The following KAZN variants were observed in gnomAD, a reference collection of about 807,000 sequenced individuals.
KAZN encodes the protein kazrin, periplakin interacting protein, also known as kazrin.
KAZN carries 40 observed loss-of-function variants against 87.4 expected under a neutral mutation model. The ratio of observed to expected loss-of-function variants is 0.46; its 90% confidence interval spans 0.36 to 0.60. The LOEUF is 0.60. Among genes scored for constraint, KAZN ranks in the 20% least tolerant of loss-of-function variants. The pLI is 0.00. For missense variants in KAZN, 898 were observed against 1,073.9 expected, an observed-to-expected ratio of 0.84 and a Z score of 2.29; for synonymous variants, 466 against 458.3, an observed-to-expected ratio of 1.02 and a Z score of -0.22.
chr1:14,574,720 GC>G (rs1201421633), intron 2 of KAZN, among the ~76,000 whole-genome samples: 1 of 152,122 alleles, frequency 6.6e-6, no homozygotes, highest in Non-Finnish European at 1.5e-5. Context: ...CCTGCTGTTG[GC>G]CAAGCTGAAT....
Position 14,470,349 on chromosome 1 carries a change from G to A in KAZN, c.250-128634G>A, listed in dbSNP as rs527416197. Among the ~76,000 whole-genome samples, 13 of 152,340 alleles carry A rather than the reference G, an allele frequency of 8.5e-5. 1 individual carries two copies. Among genetic ancestry groups the A allele is most frequent in the African/African-American group, 3.1e-4 (13 of 41,584 alleles). On this transcript the variant is annotated intron_variant, in intron 2 of 16. Transcript: ENST00000636203. The stretch of plus-strand genomic sequence containing the variant: ...GGATAGCAACAAATTACCGGGGAAG[G>A]TAGTAAAAGGTGTGGCCTTGGAATT...
At chr1:14,019,638 T>C (rs1640732015) in intron 1 of KAZN, among the ~76,000 whole-genome samples, 1 of 152,156 alleles carries the variant, frequency 6.6e-6, no homozygotes, top group African/African-American at 2.4e-5. Context: ...GACCTCAGGG[T>C]GCTACATTGC....
chr1:15,000,931 C>T (rs1668401963), intron 2 of KAZN, among the ~76,000 whole-genome samples: 1 of 151,734 alleles, frequency 6.6e-6, no homozygotes. Flanking sequence ...TAGCAAGACC[C>T]TATCTCTAAA....
intron 1 of KAZN, among the ~76,000 whole-genome samples, chr1:13,914,748 T>C (rs1279915845): frequency 6.6e-6 from 1 of 152,150 alleles, no homozygotes; most frequent in Non-Finnish European, 1.5e-5. Context: ...AAGGCCAAAT[T>C]GGGAGGATCA....
At chr1:14,017,110 C>T (rs977090116) in intron 1 of KAZN, among the ~76,000 whole-genome samples, 1 of 152,152 alleles carries the variant, frequency 6.6e-6, no homozygotes, top group Admixed American at 6.5e-5. Flanking sequence ...CCTTCTTGTT[C>T]TCAGTATTAG....
intron 2 of KAZN, among the ~76,000 whole-genome samples, chr1:14,449,013 G>A (rs1386453029): frequency 6.6e-6 from 1 of 152,206 alleles, no homozygotes. Context: ...AATCTGATCT[G>A]CATTGAAGAC....
At chr1:14,428,776 G>C (rs1031592334) in intron 2 of KAZN, among the ~76,000 whole-genome samples, 1 of 151,930 alleles carries the variant, frequency 6.6e-6, no homozygotes, top group Non-Finnish European at 1.5e-5. Context: ...TCACTATCAC[G>C]AGAACAGTAT....
intron 5 of KAZN, 40 bp from the exon 6 acceptor site, chr1:15,060,132 T>C (rs2073091): frequency 0.19 from 304,340 of 1,610,856 alleles, 34,421 homozygotes; most frequent in East Asian, 0.62. Flanking sequence ...GCGAGGACGT[T>C]CTCTCCATCC....
At chr1:14,960,136 T>G (rs908708814) in intron 1 of KAZN, among the ~76,000 whole-genome samples, 1 of 152,182 alleles carries the variant, frequency 6.6e-6, no homozygotes. Context: ...AATATGCCTT[T>G]CTATGGCTGT....
At chr1:14,488,191 T>C (rs1669450548) in intron 2 of KAZN, among the ~76,000 whole-genome samples, 1 of 152,220 alleles carries the variant, frequency 6.6e-6, no homozygotes, top group Non-Finnish European at 1.5e-5. Flanking sequence ...CAGTATCATG[T>C]AGAGGCTAAT....
intron 4 of KAZN, among the ~76,000 whole-genome samples, chr1:15,049,368 G>A (rs964882334): frequency 4.6e-5 from 7 of 152,340 alleles, no homozygotes; most frequent in African/African-American, 1.4e-4. Context: ...GTAAACAAGG[G>A]CACCATAGAC....
At chr1:14,898,374 TGTG>T (rs1028852088) in intron 1 of KAZN, among the ~76,000 whole-genome samples, 3 of 152,154 alleles carry the variant, frequency 2.0e-5, no homozygotes, top group Non-Finnish European at 4.4e-5. Context: ...AGAGCAGAAA[TGTG>T]GTCCTTTCTC....
intron 2 of KAZN, among the ~76,000 whole-genome samples, chr1:14,576,042 T>C (rs2148553822): frequency 6.6e-6 from 1 of 152,244 alleles, no homozygotes; most frequent in African/African-American, 2.4e-5. Flanking sequence ...AGCATCCAGG[T>C]TAGGAGTGGT....
At position 14,100,715 on chromosome 1, in the gene KAZN, C is replaced by A. The variant is rs529793904; in HGVS notation, c.92-79720C>A. On this transcript the variant is annotated intron_variant, in intron 1 of 16. Coordinates refer to the KAZN transcript ENST00000636203. The stretch of plus-strand genomic sequence containing the variant: ...CTTCCAGAAAGAAACAGGTGTTCAG[C>A]CTAAATCACATTGTTTGCACAGTAG... 2.0e-4 allele frequency among the ~76,000 whole-genome samples: 31 copies of A among 152,310 alleles called. 1 individual carries two copies. The highest frequency in any genetic ancestry group is 6.8e-3 in the Middle Eastern group (2 of 294).
At chr1:14,074,545 G>A (rs147217268) in intron 1 of KAZN, among the ~76,000 whole-genome samples, 2 of 152,238 alleles carry the variant, frequency 1.3e-5, no homozygotes, top group Non-Finnish European at 2.9e-5. Flanking sequence ...CTGGGGTCCC[G>A]GGTACTTAGA....
At chr1:14,064,766 C>T (rs905957273) in intron 1 of KAZN, among the ~76,000 whole-genome samples, 7 of 152,098 alleles carry the variant, frequency 4.6e-5, no homozygotes, top group Admixed American at 2.0e-4. Context: ...GCCCTGCGGA[C>T]GCTCAGGTGA....
intron 2 of KAZN, chr1:14,391,451 TA>T (rs1197508858): frequency 6.6e-6 from 1 of 152,294 alleles, no homozygotes; most frequent in Non-Finnish European, 1.5e-5. Context: ...TCACTCAAGG[TA>T]ACTTACTCCG....
chr1:14,309,181 G>T (rs896369399), intron 2 of KAZN, among the ~76,000 whole-genome samples: 15 of 152,086 alleles, frequency 9.9e-5, no homozygotes, highest in African/African-American at 3.6e-4. Flanking sequence ...GAAGAAATGG[G>T]ATATCCCAAA....
chr1:14,379,266 T>C (rs1322523372), intron 2 of KAZN, among the ~76,000 whole-genome samples: 1 of 151,664 alleles, frequency 6.6e-6, no homozygotes, highest in Admixed American at 6.6e-5. Context: ...GGTCCTTGGG[T>C]GAGACTCTGA....
Sources: allele counts gnomAD v4.1 joint callset (sites outside exome capture counted in the v4.1 genomes callset), GRCh38; gene constraint gnomAD v4.1.1; transcripts MANE v1.5; gene names NCBI Gene and HGNC (gene_info 2026-07-23, HGNC 2026-07-21).